The following EDAR variants were observed in gnomAD, a reference collection of about 807,000 sequenced individuals.
EDAR encodes tumor necrosis factor receptor superfamily member EDAR.
Under a neutral mutation model 51.3 loss-of-function variants are expected in EDAR, and 38 were observed. That is an observed-to-expected ratio of 0.74 (90% CI 0.57 to 0.97). EDAR has a LOEUF of 0.97. Ranked by LOEUF, EDAR falls within the 50% of genes least tolerant of loss-of-function variation. The pLI, the probability that EDAR is intolerant of heterozygous loss-of-function variation, is 0.00. For synonymous variants in EDAR, 227 were observed against 242.1 expected (o/e 0.94, Z 0.58); for missense variants, 528 against 595.0 (o/e 0.89, Z 1.17).
chr2:108,920,241 C>T (rs1232673075), intron 5 of EDAR, among the ~76,000 whole-genome samples: 1 of 152,228 alleles, frequency 6.6e-6, no homozygotes, highest in Non-Finnish European at 1.5e-5. Context: ...CATGCATCGC[C>T]CACGTCATCA....
At chr2:108,970,227 A>T (rs1698211769) in intron 1 of EDAR, among the ~76,000 whole-genome samples, 1 of 152,136 alleles carries the variant, frequency 6.6e-6, no homozygotes, top group South Asian at 2.1e-4. Flanking sequence ...CAGAATCTAC[A>T]TTTTTAGCAG....
intron 1 of EDAR, among the ~76,000 whole-genome samples, chr2:108,953,752 AGC>A (rs1697868870): frequency 6.6e-6 from 1 of 152,168 alleles, no homozygotes; most frequent in Non-Finnish European, 1.5e-5. Flanking sequence ...ACAATAAAGA[AGC>A]ACCAGAAAAC....
chr2:108,918,184 GTGGGGCGCGAGCCC>G (rs1697061954), intron 5 of EDAR, among the ~76,000 whole-genome samples: 1 of 152,188 alleles, frequency 6.6e-6, no homozygotes, highest in Admixed American at 6.5e-5. Context: ...ACAAACCAGG[GTGGGGCGCGAGCCC>G]TGGTGGAGAT....
At chr2:108,947,584 C>T (rs1470512389) in intron 1 of EDAR, among the ~76,000 whole-genome samples, 1 of 152,210 alleles carries the variant, frequency 6.6e-6, no homozygotes, top group Non-Finnish European at 1.5e-5. Flanking sequence ...TTGTCTTCTG[C>T]ACCCCCGCAG....
chr2:108,950,608 C>T (rs1697808151), intron 1 of EDAR, among the ~76,000 whole-genome samples: 1 of 152,220 alleles, frequency 6.6e-6, no homozygotes, highest in Non-Finnish European at 1.5e-5. Context: ...CACCACAAAG[C>T]TCCAAGTCTG....
At chr2:108,922,895 C>T (rs191138682) in intron 5 of EDAR, among the ~76,000 whole-genome samples, 232 of 152,330 alleles carry the variant, frequency 1.5e-3, no homozygotes, top group African/African-American at 3.6e-3. Flanking sequence ...GGATTATAAA[C>T]TCCTGAGACT....
intron 1 of EDAR, among the ~76,000 whole-genome samples, chr2:108,931,794 A>G (rs1156401001): frequency 6.6e-6 from 1 of 151,580 alleles, no homozygotes; most frequent in Non-Finnish European, 1.5e-5. Flanking sequence ...AAGCAATTTT[A>G]CTTGGTAGTC....
In EDAR at chr2:108,897,171, G is replaced by A; in HGVS notation, c.1083C>T (p.Ser361=). Residue 361 remains serine, a synonymous_variant, in exon 12 of 12, where the codon AGC becomes AGT. Coordinates refer to ENST00000258443, the MANE Select transcript of EDAR (RefSeq NM_022336.4). ...DCLEKTSRML[S]STYNSEKAVV... ...CAGCCTTCTCAGAGTTGTACGTGGA[G>A]CTGAGCATTCGGCTAGTCTTCTCGA... 1 of 1,613,876 alleles carries A rather than the reference G, an allele frequency of 6.2e-7. No homozygotes were observed. The highest frequency in any genetic ancestry group is 8.5e-7 in the Non-Finnish European group (1 of 1,180,044).
At chr2:108,911,488 C>T (rs1696928141) in intron 6 of EDAR, among the ~76,000 whole-genome samples, 1 of 152,178 alleles carries the variant, frequency 6.6e-6, no homozygotes, top group Non-Finnish European at 1.5e-5. Context: ...GCTCTGGATT[C>T]CAGGTTTGGC....
intron 4 of EDAR, among the ~76,000 whole-genome samples, chr2:108,924,927 C>T (rs538414655): frequency 1.8e-4 from 27 of 152,356 alleles, no homozygotes; most frequent in African/African-American, 5.8e-4. Flanking sequence ...AGCTTTCTAA[C>T]GTCCCTGGCC....
At chr2:108,976,487 C>T (rs1180628634) in intron 1 of EDAR, among the ~76,000 whole-genome samples, 1 of 152,134 alleles carries the variant, frequency 6.6e-6, no homozygotes, top group African/African-American at 2.4e-5. Context: ...CCTTCCGGTG[C>T]TCCTTGGAAG....
chr2:108,949,933 C>T lies in EDAR; in HGVS notation c.-18-18901G>A, dbSNP rs932363012. ...CTCATGGAGGCCAATGCCCTCATTTCCTGAGGTTTTTGAAATAACAAATGT... is the reference window on the plus strand; with the variant it reads ...CTCATGGAGGCCAATGCCCTCATTTTCTGAGGTTTTTGAAATAACAAATGT... On this transcript the variant is annotated intron_variant, in intron 1 of 11. Coordinates refer to ENST00000258443, the MANE Select transcript of EDAR (RefSeq NM_022336.4). 6.6e-5 allele frequency among the ~76,000 whole-genome samples: 10 copies of T among 152,156 alleles called. No individual in the cohort carries two copies. In the East Asian group the frequency reaches 1.9e-3, roughly 29 times the overall value.
intron 1 of EDAR, among the ~76,000 whole-genome samples, chr2:108,963,554 A>AC (rs1242162014): frequency 4.6e-5 from 7 of 152,222 alleles, no homozygotes; most frequent in African/African-American, 1.7e-4. Flanking sequence ...GGATGATGGC[A>AC]CCTGCACAGT....
At chr2:108,940,191 A>G (rs1697567128) in intron 1 of EDAR, 1 of 152,282 alleles carries the variant, frequency 6.6e-6, no homozygotes, top group African/African-American at 2.4e-5. Context: ...AGAGGCGGTA[A>G]AGATGACTGC....
At chr2:108,977,091 G>A (rs1433632639) in intron 1 of EDAR, among the ~76,000 whole-genome samples, 1 of 152,106 alleles carries the variant, frequency 6.6e-6, no homozygotes, top group African/African-American at 2.4e-5. Context: ...TGATCAGGAC[G>A]CCAATAAGGA....
intron 9 of EDAR, 112 bp downstream of exon 9, chr2:108,910,348 C>G: frequency 1.2e-6 from 1 of 867,360 alleles, no homozygotes; most frequent in Non-Finnish European, 1.9e-6. Context: ...CCGAACGTCC[C>G]CATAGTGTCC....
chr2:108,917,223 C>T (rs180808349), intron 5 of EDAR, among the ~76,000 whole-genome samples: 1 of 152,088 alleles, frequency 6.6e-6, no homozygotes, highest in African/African-American at 2.4e-5. Context: ...ACGCGCGGCT[C>T]GTGTGGAAGC....
chr2:108,969,652 A>G (rs1415805675), intron 1 of EDAR, among the ~76,000 whole-genome samples: 2 of 152,212 alleles, frequency 1.3e-5, no homozygotes, highest in Admixed American at 6.5e-5. Flanking sequence ...TGGGTCATTT[A>G]AAGAAAAGAT....
At chr2:108,911,762 C>T (rs1045846942) in intron 6 of EDAR, among the ~76,000 whole-genome samples, 9 of 152,084 alleles carry the variant, frequency 5.9e-5, no homozygotes, top group Admixed American at 2.0e-4. Flanking sequence ...TGCCACCACC[C>T]AAATAGACAG....
Sources: allele counts gnomAD v4.1 joint callset (sites outside exome capture counted in the v4.1 genomes callset), GRCh38; gene constraint gnomAD v4.1.1; transcripts MANE v1.5; gene names NCBI Gene and HGNC (gene_info 2026-07-23, HGNC 2026-07-21).